GAR1: variants seen among roughly 807,000 people sequenced by gnomAD.
GAR1 encodes the protein H/ACA ribonucleoprotein complex subunit 1.
A neutral mutation model predicts 29.3 loss-of-function variants in GAR1; 11 were observed. That is an observed-to-expected ratio of 0.38 (90% CI 0.24 to 0.62). The LOEUF (loss-of-function observed/expected upper bound fraction) is 0.62. Ranked by LOEUF, GAR1 falls within the 20% of genes least tolerant of loss-of-function variation. GAR1 has a pLI of 0.62. For synonymous variants in GAR1, 87 were observed against 93.3 expected (o/e 0.93, Z 0.39); for missense variants, 237 against 268.4 (o/e 0.88, Z 0.82).
Position 109,818,095 on chromosome 4 carries a change from C to T in GAR1, c.369+5C>T. The T allele has an allele frequency of 2.5e-6, 4 of 1,587,098 alleles. No homozygotes were observed. The highest frequency in any genetic ancestry group is 3.4e-6 in the Non-Finnish European group (4 of 1,168,632). Reference sequence around the variant, plus strand: ...TTTGGACAACTCAGAGATTTTGTATCCTTTTTCATTGGAAGGCCTGATAAT... The same window carrying T: ...TTTGGACAACTCAGAGATTTTGTATTCTTTTTCATTGGAAGGCCTGATAAT... On this transcript the variant is annotated splice_donor_5th_base_variant and intron_variant, in intron 3 of 6. Coordinates refer to ENST00000226796, the MANE Select transcript of GAR1 (RefSeq NM_018983.4).
intron 6 of GAR1, 34 bp downstream of exon 6, chr4:109,824,067 T>A: frequency 7.5e-7 from 1 of 1,337,982 alleles, no homozygotes. Flanking sequence ...AATTGCTTAA[T>A]GTTTAAAATT....
At chr4:109,823,877 A>G (rs1458276008) in intron 5 of GAR1, 88 bp from the exon 6 acceptor site, 3 of 762,542 alleles carry the variant, frequency 3.9e-6, no homozygotes, top group African/African-American at 1.8e-5. Context: ...TTATCAATAT[A>G]AGAGGTTATA....
At chr4:109,816,023 G>A in intron 1 of GAR1, 130 bp from the exon 2 acceptor site, 1 of 882,172 alleles carries the variant, frequency 1.1e-6, no homozygotes, top group Non-Finnish European at 1.9e-6. Flanking sequence ...GTCACTGGCT[G>A]TCTGACCGTG....
intron 5 of GAR1, 40 bp from the exon 6 acceptor site, chr4:109,823,921 GTTAT>G: frequency 8.1e-7 from 1 of 1,232,772 alleles, no homozygotes; most frequent in Non-Finnish European, 1.2e-6. Context: ...ATATTCTATT[GTTAT>G]TTAAATACTT....
intron 5 of GAR1, 149 bp downstream of exon 5, chr4:109,822,637 A>G (rs985787815): frequency 1.4e-6 from 1 of 712,842 alleles, no homozygotes; most frequent in Admixed American, 3.1e-5. Flanking sequence ...TGTCCATAAT[A>G]ATAATGCTTC....
chr4:109,816,649 G>GT (rs1019813652), intron 2 of GAR1, among the ~76,000 whole-genome samples: 19 of 152,136 alleles, frequency 1.2e-4, no homozygotes, highest in Non-Finnish European at 2.4e-4. Context: ...TTAGAGTTAA[G>GT]TTTTTTTGCT....
chr4:109,815,517 TA>T (rs916123207), upstream of GAR1: 1 of 152,996 alleles, frequency 6.5e-6, no homozygotes, highest in African/African-American at 2.4e-5. Flanking sequence ...ACGCCGCTGT[TA>T]TACGTCACTT....
At chr4:109,817,836 TG>T in intron 2 of GAR1, 99 bp from the exon 3 acceptor site, 1 of 878,468 alleles carries the variant, frequency 1.1e-6, no homozygotes, top group Non-Finnish European at 1.8e-6. Context: ...AGAGCAGTTA[TG>T]GTGAAGTCCC....
intron 5 of GAR1, 144 bp from the exon 6 acceptor site, chr4:109,823,821 A>G (rs910438131): frequency 2.4e-5 from 11 of 454,804 alleles, no homozygotes; most frequent in African/African-American, 8.2e-5. Context: ...ATGTGAATCT[A>G]TATTTATTCA....
At position 109,816,062 on chromosome 4, in the gene GAR1, C is replaced by T. The variant is rs1733339563; in HGVS notation, c.-12-91C>T. 7 of 1,271,000 alleles carry T rather than the reference C, an allele frequency of 5.5e-6. No individual in the cohort carries two copies. In the Admixed American group the frequency reaches 1.2e-4, roughly 22 times the overall value. The allele number at this position is 1,271,000 out of a possible 1,614,324, so 78.7% of individuals were successfully genotyped here. On this transcript the variant is annotated intron_variant, in intron 1 of 6. Transcript: ENST00000226796. Reference sequence around the variant, plus strand: ...GAGGTGACAGGGCTGCTTTTGTCTCCTTTATGGTGTTCTCACCGCAGCTCC... The same window carrying T: ...GAGGTGACAGGGCTGCTTTTGTCTCTTTTATGGTGTTCTCACCGCAGCTCC...
chr4:109,819,024 A>G lies in GAR1; in HGVS notation c.393A>G (p.Glu131=). ...AGTATTTTTCAGTTAAGTTGTCAGA[A>G]AACATGAAGGCTTCATCCTTTAAAA... The part of the protein sequence containing the change: ...RDFYFSVKLS[E]NMKASSFKKL... The change falls in exon 4 of 7, where the codon GAA becomes GAG. Residue 131 remains glutamate, a synonymous_variant. Coordinates refer to ENST00000226796, the MANE Select transcript of GAR1 (RefSeq NM_018983.4). 6.9e-7 allele frequency: 1 copy of G among 1,456,404 alleles called. No homozygotes were observed. Among genetic ancestry groups the G allele is most frequent in the Non-Finnish European group, 9.5e-7 (1 of 1,048,138 alleles). The allele number at this position is 1,456,404 out of a possible 1,614,324, so 90.2% of individuals were successfully genotyped here. A position where few individuals can be genotyped will look rare whatever the true frequency, so the allele number is the denominator to read the frequency against.
intron 2 of GAR1, 122 bp from the exon 3 acceptor site, chr4:109,817,814 C>A (rs956841193): frequency 1.4e-6 from 1 of 701,316 alleles, no homozygotes; most frequent in East Asian, 2.7e-5. Flanking sequence ...CTGTGGTCTT[C>A]TGCCTCAGAG....
Position 109,824,566 on chromosome 4 carries a change from T to A in GAR1, c.*135T>A. 1.4e-6 allele frequency: 1 copy of A among 727,914 alleles called. No individual in the cohort carries two copies. Among genetic ancestry groups the A allele is most frequent in the South Asian group, 1.7e-5 (1 of 59,750 alleles). The allele number at this position is 727,914 out of a possible 1,614,324, so 45.1% of individuals were successfully genotyped here. On this transcript the variant is annotated 3_prime_UTR_variant, in exon 7 of 7. Coordinates refer to ENST00000226796, the MANE Select transcript of GAR1 (RefSeq NM_018983.4). ...ATTTTATGACAATGGATCTAAAATG[T>A]CAGCATCATGCAAAGTGCAACGGAA...
At chr4:109,822,307 C>A in intron 4 of GAR1, 40 bp from the exon 5 acceptor site, 1 of 1,201,436 alleles carries the variant, frequency 8.3e-7, no homozygotes, top group Non-Finnish European at 1.2e-6. Flanking sequence ...ATTATACTGT[C>A]CCCCAAGTTG....
intron 4 of GAR1, among the ~76,000 whole-genome samples, chr4:109,820,271 A>G (rs572520094): frequency 7.9e-5 from 12 of 152,332 alleles, no homozygotes; most frequent in African/African-American, 2.9e-4. Context: ...TCTGACATCA[A>G]CATCTTTGTG....
Position 109,824,636 on chromosome 4 carries a change from T to A in GAR1, c.*205T>A. Reference sequence around the variant, plus strand: ...AGAGCATGAACAAGTCTTTCTAATGTTTTGTACAGTGCCTGGCACTCTGTG... The same window carrying A: ...AGAGCATGAACAAGTCTTTCTAATGATTTGTACAGTGCCTGGCACTCTGTG... On this transcript the variant is annotated 3_prime_UTR_variant, in exon 7 of 7. Coordinates refer to ENST00000226796, the MANE Select transcript of GAR1 (RefSeq NM_018983.4). 1.9e-6 allele frequency: 1 copy of A among 536,092 alleles called. No homozygotes were observed. The highest frequency in any genetic ancestry group is 3.0e-5 in the East Asian group (1 of 32,792). The allele number at this position is 536,092 out of a possible 1,614,324, so 33.2% of individuals were successfully genotyped here.
At chr4:109,823,497 T>TA (rs1466290363) in intron 5 of GAR1, among the ~76,000 whole-genome samples, 2 of 152,140 alleles carry the variant, frequency 1.3e-5, no homozygotes, top group Non-Finnish European at 2.9e-5. Context: ...AAATCTTACT[T>TA]ATGTAGCTCA....
rs369390479 is a variant in GAR1 at position 109,824,427 on chromosome 4, A to G, written c.650A>G (p.His217Arg). 7 of 1,590,974 alleles carry G rather than the reference A, an allele frequency of 4.4e-6. No homozygotes were observed. The highest frequency in any genetic ancestry group is 1.7e-5 in the Admixed American group (1 of 59,886). Residue 217 changes from histidine (H) to arginine (R), a missense_variant, in exon 7 of 7, where the codon CAT becomes CGT. Transcript: ENST00000226796. ...GRGGGFRGRG[H>R] ...ATTTTCTCTTAATCAGGGAGAGGAC[A>G]TTAAGTGAAACAGTTGACAGACATC...
chr4:109,819,457 G>C (rs1028084812), intron 4 of GAR1: 2 of 187,294 alleles, frequency 1.1e-5, no homozygotes, highest in Non-Finnish European at 2.2e-5. Context: ...TATATGCTAT[G>C]AAGGAAAAAT....
Sources: allele counts gnomAD v4.1 joint callset (sites outside exome capture counted in the v4.1 genomes callset), GRCh38; gene constraint gnomAD v4.1.1; transcripts MANE v1.5; gene names NCBI Gene and HGNC (gene_info 2026-07-23, HGNC 2026-07-21).